Variants in NOTCH2 observed in about 807,000 individuals in gnomAD.
NOTCH2 encodes the protein neurogenic locus notch homolog protein 2.
NOTCH2 carries 29 observed loss-of-function variants against 235.8 expected under a neutral mutation model. The observed-to-expected ratio is 0.12, with a 90% CI of 0.09 to 0.17. The LOEUF (loss-of-function observed/expected upper bound fraction) is 0.17, where lower values mean the gene tolerates loss of function less well. Ranked by LOEUF, NOTCH2 falls within the 10% of genes least tolerant of loss-of-function variation. NOTCH2 has a pLI of 1.00. For missense variants in NOTCH2, 2,285 were observed against 3,150.2 expected (o/e 0.73, Z 6.57); for synonymous variants, 1,086 against 1,141.5 (o/e 0.95, Z 0.98).
rs1274413484 is a variant in NOTCH2, at chr1:119,925,410, G to A, written c.4406C>T (p.Pro1469Leu). The change falls in exon 25 of 34, where the codon CCA becomes CTA. Residue 1469 changes from proline (P) to leucine (L), a missense_variant. Transcript: ENST00000256646. ...GTTGATATAATCCCAGCAGGGAAGT[G>A]GGGAGGAGCAGTTGGCCCAGGGGTT... The part of the protein sequence containing the change: ...MENPWANCSS[P>L]LPCWDYINNQ... 2.5e-6 allele frequency: 4 copies of A among 1,614,206 alleles called. No homozygotes were observed. Among genetic ancestry groups the A allele is most frequent in the Non-Finnish European group, 3.4e-6 (4 of 1,180,032 alleles).
chr1:119,954,500 C>T (rs1181690220), intron 13 of NOTCH2, among the ~76,000 whole-genome samples: 2 of 152,160 alleles, frequency 1.3e-5, no homozygotes, highest in Non-Finnish European at 2.9e-5. Flanking sequence ...AGTATAAGAG[C>T]GTCTCGTGAG....
chr1:120,030,214 C>T (rs587616722), intron 1 of NOTCH2, among the ~76,000 whole-genome samples: 1 of 152,240 alleles, frequency 6.6e-6, no homozygotes, highest in East Asian at 1.9e-4. Context: ...TCTTATTTCT[C>T]TGTGTTTTAG....
At chr1:119,976,913 CAA>C (rs1651603390) in intron 5 of NOTCH2, among the ~76,000 whole-genome samples, 2 of 152,214 alleles carry the variant, frequency 1.3e-5, no homozygotes, top group Non-Finnish European at 2.9e-5. Context: ...GTTACTTTCT[CAA>C]AGAGACCTTA....
intron 4 of NOTCH2, 84 bp from the exon 5 acceptor site, chr1:119,987,166 G>C (rs147635516): frequency 6.6e-7 from 1 of 1,524,038 alleles, no homozygotes; most frequent in African/African-American, 1.4e-5. Context: ...ATGGTTATTA[G>C]AATAGACCCG....
At chr1:119,980,369 C>T (rs1253797210) in intron 5 of NOTCH2, among the ~76,000 whole-genome samples, 1 of 152,186 alleles carries the variant, frequency 6.6e-6, no homozygotes, top group African/African-American at 2.4e-5. Context: ...GCCCTTTGAG[C>T]TGCCTTACTC....
intron 2 of NOTCH2, among the ~76,000 whole-genome samples, chr1:120,015,081 G>T (rs1360372614): frequency 2.1e-5 from 3 of 142,424 alleles, no homozygotes; most frequent in Non-Finnish European, 4.6e-5. Context: ...CATACAAGAA[G>T]AAAAAGAGAG....
chr1:119,985,066 G>A (rs987062619), intron 5 of NOTCH2, among the ~76,000 whole-genome samples: 1 of 152,122 alleles, frequency 6.6e-6, no homozygotes, highest in Admixed American at 6.6e-5. Context: ...GAACTGCTAG[G>A]GTATGCTGCT....
chr1:119,980,937 C>A (rs1651789859), intron 5 of NOTCH2, among the ~76,000 whole-genome samples: 1 of 152,164 alleles, frequency 6.6e-6, no homozygotes, highest in Non-Finnish European at 1.5e-5. Flanking sequence ...CACTTTCCTT[C>A]TTTGGATCCC....
At chr1:120,065,357 G>C (rs1655467060) in intron 1 of NOTCH2, among the ~76,000 whole-genome samples, 1 of 152,144 alleles carries the variant, frequency 6.6e-6, no homozygotes, top group Non-Finnish European at 1.5e-5. Flanking sequence ...CAGGTACAGG[G>C]GTAGGGTATG....
chr1:120,011,877 G>A (rs1256650327), intron 2 of NOTCH2, among the ~76,000 whole-genome samples: 9 of 150,814 alleles, frequency 6.0e-5, no homozygotes, highest in Admixed American at 4.0e-4. Context: ...TTAGCCAGGC[G>A]TGGTGGCGGG....
rs944319039 is a variant in NOTCH2, at chr1:119,912,876, T to C, written c.*2430A>G. The C allele has an allele frequency of 1.3e-5, 3 of 233,576 alleles. No individual in the cohort carries two copies. The highest frequency in any genetic ancestry group is 2.5e-5 in the Non-Finnish European group (3 of 118,016). 14.5% of individuals were successfully genotyped at this position (233,576 alleles called of 1,614,324 possible). ...CATCACTGAAACCTGTTGTCTGTAATGACAGCTTTCACATTCCCTTTCTCC... is the reference window on the plus strand; with the variant it reads ...CATCACTGAAACCTGTTGTCTGTAACGACAGCTTTCACATTCCCTTTCTCC... On this transcript the variant is annotated 3_prime_UTR_variant, in exon 34 of 34. Coordinates refer to ENST00000256646, the MANE Select transcript of NOTCH2 (RefSeq NM_024408.4).
chr1:119,979,906 G>A (rs1323386518), intron 5 of NOTCH2, among the ~76,000 whole-genome samples: 1 of 152,042 alleles, frequency 6.6e-6, no homozygotes, highest in Non-Finnish European at 1.5e-5. Context: ...GACATTAAAA[G>A]TAGATAGATG....
At chr1:119,947,384 G>T (rs997826333) in intron 17 of NOTCH2, among the ~76,000 whole-genome samples, 3 of 152,124 alleles carry the variant, frequency 2.0e-5, no homozygotes, top group Non-Finnish European at 4.4e-5. Context: ...AACGAAGATA[G>T]GCAGATGGGC....
At chr1:120,014,226 T>A (rs2101271678) in intron 2 of NOTCH2, among the ~76,000 whole-genome samples, 1 of 152,014 alleles carries the variant, frequency 6.6e-6, no homozygotes. Flanking sequence ...CATAAACTAA[T>A]CTGAATACTT....
chr1:119,919,240 T>C (rs1649190242), intron 31 of NOTCH2, 72 bp downstream of exon 31: 1 of 1,433,894 alleles, frequency 7.0e-7, no homozygotes, highest in Middle Eastern at 2.4e-4. Flanking sequence ...GAGATATTAA[T>C]TCTTTAAAAA....
chr1:119,919,339 C>T lies in NOTCH2; in HGVS notation c.5754G>A (p.Val1918=), dbSNP rs913764649. 7 of 1,612,848 alleles carry T rather than the reference C, an allele frequency of 4.3e-6. No homozygotes were observed. Among genetic ancestry groups the T allele is most frequent in the African/African-American group, 1.3e-5 (1 of 74,900 alleles). The change falls in exon 31 of 34, where the codon GTG becomes GTA. Residue 1918 remains valine (V), a synonymous_variant. Transcript: ENST00000256646. ...NMGRCPLHAA[V]AADAQGVFQI... ...GGAAGACACCTTGGGCATCAGCTGC[C>T]ACTGCAGCATGGAGTGGACAGCGGC...
chr1:119,923,541 C>T, intron 26 of NOTCH2, 96 bp downstream of exon 26: 1 of 1,093,866 alleles, frequency 9.1e-7, no homozygotes, highest in South Asian at 1.3e-5. Context: ...TTTTTCTGAT[C>T]TTTGCATTTC....
chr1:119,957,061 G>A (rs1156240446), intron 12 of NOTCH2, among the ~76,000 whole-genome samples: 4 of 152,210 alleles, frequency 2.6e-5, no homozygotes, highest in Non-Finnish European at 5.9e-5. Flanking sequence ...TCTGGCATTA[G>A]CTAGCAAAAG....
chr1:119,976,172 G>A (rs1369265927), intron 5 of NOTCH2, among the ~76,000 whole-genome samples: 1 of 152,058 alleles, frequency 6.6e-6, no homozygotes, highest in Admixed American at 6.5e-5. Context: ...AGTCAAGAGA[G>A]CTCCATCTCC....
Sources: gnomAD v4.1 joint callset for allele counts (sites outside exome capture counted in the v4.1 genomes callset) on GRCh38, gnomAD v4.1.1 for gene constraint, MANE v1.5 for transcripts, NCBI Gene and HGNC (gene_info 2026-07-23, HGNC 2026-07-21) for gene names.